Variants in GREM2 observed in about 807,000 individuals in gnomAD.
GREM2 encodes gremlin-2.
GREM2 carries 11 observed loss-of-function variants against 14.2 expected under a neutral mutation model. The ratio of observed to expected loss-of-function variants is 0.78; its 90% CI spans 0.49 to 1.28. The LOEUF (loss-of-function observed/expected upper bound fraction) is 1.28, where lower values mean the gene tolerates loss of function less well. Among genes scored for constraint, GREM2 ranks in the 50% most tolerant of loss-of-function variants. GREM2 has a pLI of 0.00. For synonymous variants in GREM2, 98 were observed against 97.6 expected (o/e 1.00, Z -0.02); for missense variants, 210 against 218.5 (o/e 0.96, Z 0.24).
intron 1 of GREM2, among the ~76,000 whole-genome samples, chr1:240,563,168 T>C (rs1356660331): frequency 6.6e-6 from 1 of 151,468 alleles, no homozygotes; most frequent in African/African-American, 2.4e-5. Context: ...TGTGTACGTG[T>C]GAGTGTGTGT....
intron 1 of GREM2, among the ~76,000 whole-genome samples, chr1:240,525,689 G>A (rs1348261457): frequency 6.6e-6 from 1 of 152,050 alleles, no homozygotes; most frequent in Non-Finnish European, 1.5e-5. Context: ...ATGTTGGCCA[G>A]GTTCATCTTG....
chr1:240,525,952 T>C lies in GREM2; in HGVS notation c.-1-32476A>G, dbSNP rs572984361. Among the ~76,000 whole-genome samples, 4 of 152,310 alleles carry C rather than the reference T, an allele frequency of 2.6e-5. No individual in the cohort carries two copies. In the East Asian group the frequency reaches 7.7e-4, roughly 29 times the overall value. Reference sequence around the variant, plus strand: ...TACATTGATTGGCTCCCGGTATTATTTCCCTATCTTCAAAGCCAGCAACGT... The same window carrying C: ...TACATTGATTGGCTCCCGGTATTATCTCCCTATCTTCAAAGCCAGCAACGT... On this transcript the variant is annotated intron_variant, in intron 1 of 1. Transcript: ENST00000318160.
chr1:240,494,185 T>C (rs1677347930), intron 1 of GREM2, among the ~76,000 whole-genome samples: 1 of 152,230 alleles, frequency 6.6e-6, no homozygotes, highest in South Asian at 2.1e-4. Context: ...CATGTATATC[T>C]CATTTCATCC....
rs1265519233 is a variant in GREM2 at position 240,540,069 on chromosome 1, T to C, written c.-1-46593A>G. ...TCTTATGACATTAGCTTGGCATAGC[T>C]GACAGCCACTCTGTTCCTATACCCC... is the stretch of plus-strand genomic sequence containing the variant. On this transcript the variant is annotated intron_variant, in intron 1 of 1. Coordinates refer to ENST00000318160, the MANE Select transcript of GREM2 (RefSeq NM_022469.4). The surrounding 1 kb of genome is among the most constrained non-coding windows in gnomAD (Gnocchi z 4.2). 2.0e-5 allele frequency among the ~76,000 whole-genome samples: 3 copies of C among 152,226 alleles called. No homozygotes were observed. The highest frequency in any genetic ancestry group is 7.2e-5 in the African/African-American group (3 of 41,456).
chr1:240,497,056 A>G (rs1572362832), intron 1 of GREM2, among the ~76,000 whole-genome samples: 1 of 152,052 alleles, frequency 6.6e-6, no homozygotes, highest in African/African-American at 2.4e-5. Context: ...TATGGATACT[A>G]TACAGGTCAT....
chr1:240,503,653 T>G (rs1677617773), intron 1 of GREM2, among the ~76,000 whole-genome samples: 1 of 152,206 alleles, frequency 6.6e-6, no homozygotes, highest in South Asian at 2.1e-4. Flanking sequence ...ATCTACCACA[T>G]GCAAGGCTGC....
At chr1:240,611,391 G>A (rs1224091627) in intron 1 of GREM2, among the ~76,000 whole-genome samples, 1 of 152,084 alleles carries the variant, frequency 6.6e-6, no homozygotes, top group Non-Finnish European at 1.5e-5. Flanking sequence ...TCCCTCATGA[G>A]GCGGGTGCAC....
rs1365811304 is a variant in GREM2 at position 240,508,574 on chromosome 1, T to C, written c.-1-15098A>G. On this transcript the variant is annotated intron_variant, in intron 1 of 1. Coordinates refer to ENST00000318160, the MANE Select transcript of GREM2 (RefSeq NM_022469.4). ...GAACTTTTGAAGTATTTGTAGAGAATGTTTCTTGTTAACATCAAACAGAAC... is the reference window on the plus strand; with the variant it reads ...GAACTTTTGAAGTATTTGTAGAGAACGTTTCTTGTTAACATCAAACAGAAC... Among the ~76,000 whole-genome samples, 3 of 152,230 alleles carry C rather than the reference T, an allele frequency of 2.0e-5. No individual in the cohort carries two copies. In the East Asian group the frequency reaches 5.8e-4, roughly 29 times the overall value.
chr1:240,582,808 AAAG>A (rs1034772296), intron 1 of GREM2, among the ~76,000 whole-genome samples: 1 of 152,190 alleles, frequency 6.6e-6, no homozygotes, highest in Non-Finnish European at 1.5e-5. Context: ...AAAAAAAAAA[AAAG>A]AGAAATTTGT....
intron 1 of GREM2, among the ~76,000 whole-genome samples, chr1:240,508,992 G>C (rs1481400952): frequency 1.3e-5 from 2 of 152,224 alleles, no homozygotes; most frequent in Non-Finnish European, 2.9e-5. Flanking sequence ...ATAAGGACCA[G>C]AGACTAATGC....
At chr1:240,521,417 A>T (rs1678089513) in intron 1 of GREM2, among the ~76,000 whole-genome samples, 2 of 151,508 alleles carry the variant, frequency 1.3e-5, no homozygotes. Context: ...AAATACAAAA[A>T]ACAATTAGCC....
rs1678292959 is a variant in GREM2 at position 240,529,100 on chromosome 1, T to A, written c.-1-35624A>T. On this transcript the variant is annotated intron_variant, in intron 1 of 1. Transcript: ENST00000318160. The stretch of plus-strand genomic sequence containing the variant: ...TCATTCAGTAGGTCTATAAAGGGCT[T>A]GGGAAGGAATTTTCCTGCAGGATTT... Among the ~76,000 whole-genome samples the A allele has an allele frequency of 2.0e-5, 3 of 152,140 alleles. No homozygotes were observed. The South Asian group carries it at 6.2e-4, about 31-fold the overall frequency.
chr1:240,553,925 T>A (rs1572396130), intron 1 of GREM2, among the ~76,000 whole-genome samples: 1 of 152,242 alleles, frequency 6.6e-6, no homozygotes, highest in African/African-American at 2.4e-5. Context: ...GAATGAAATC[T>A]CTAGTCAAGA....
At chr1:240,593,523 A>C (rs1168476155) in intron 1 of GREM2, among the ~76,000 whole-genome samples, 1 of 152,198 alleles carries the variant, frequency 6.6e-6, no homozygotes, top group Non-Finnish European at 1.5e-5. Flanking sequence ...CTAGTTTACA[A>C]GATTAGGTGA....
chr1:240,583,706 A>C (rs1368734590), intron 1 of GREM2, among the ~76,000 whole-genome samples: 2 of 151,556 alleles, frequency 1.3e-5, no homozygotes, highest in Non-Finnish European at 2.9e-5. Context: ...GGTTCAAGCC[A>C]TTCTCCTGCC....
At chr1:240,561,114 G>C (rs1679027983) in intron 1 of GREM2, among the ~76,000 whole-genome samples, 1 of 152,146 alleles carries the variant, frequency 6.6e-6, no homozygotes, top group Non-Finnish European at 1.5e-5. Flanking sequence ...CAAGTTCCTA[G>C]AGTGTGGAAA....
At chr1:240,580,211 G>A (rs372440148) in intron 1 of GREM2, among the ~76,000 whole-genome samples, 1 of 152,050 alleles carries the variant, frequency 6.6e-6, no homozygotes, top group East Asian at 1.9e-4. Context: ...GACCACATAG[G>A]AAGACCTCAT....
chr1:240,506,812 A>T (rs1677684798), intron 1 of GREM2, among the ~76,000 whole-genome samples: 1 of 152,256 alleles, frequency 6.6e-6, no homozygotes, highest in East Asian at 1.9e-4. Context: ...GAAAGGGACA[A>T]TAAACCTGGA....
At chr1:240,529,682 T>A (rs1418885935) in intron 1 of GREM2, among the ~76,000 whole-genome samples, 1 of 148,498 alleles carries the variant, frequency 6.7e-6, no homozygotes, top group Non-Finnish European at 1.5e-5. Flanking sequence ...TTTTAATGAT[T>A]TTTTTTAAAA....
Sources: gnomAD v4.1 joint callset for allele counts (sites outside exome capture counted in the v4.1 genomes callset) on GRCh38, gnomAD v4.1.1 for gene constraint, Gnocchi (gnomAD v3.1) non-coding constraint, MANE v1.5 for transcripts, NCBI Gene and HGNC (gene_info 2026-07-23, HGNC 2026-07-21) for gene names.